Variants in ARHGAP42 observed in about 807,000 individuals in gnomAD.
ARHGAP42 encodes the protein Rho GTPase activating protein 42.
In ARHGAP42, 63 loss-of-function variants were observed where a neutral mutation model predicts 125.0. The observed-to-expected ratio is 0.50, with a 90% CI of 0.41 to 0.62. The LOEUF (loss-of-function observed/expected upper bound fraction) is 0.62, where lower values mean the gene tolerates loss of function less well. Ranked by LOEUF, ARHGAP42 falls within the 20% of genes least tolerant of loss-of-function variation. The pLI is 0.00. For missense variants in ARHGAP42, 766 were observed against 1,024.2 expected (o/e 0.75, Z 3.44); for synonymous variants, 339 against 351.0 (o/e 0.97, Z 0.38).
chr11:100,703,390 AT>A (rs897571584), intron 1 of ARHGAP42, among the ~76,000 whole-genome samples: 4 of 150,982 alleles, frequency 2.6e-5, no homozygotes, highest in Non-Finnish European at 4.4e-5. Flanking sequence ...AAGATGTAGC[AT>A]TTTTTTTTCA....
chr11:100,851,133 C>T (rs1292133864), intron 3 of ARHGAP42, among the ~76,000 whole-genome samples: 1 of 151,976 alleles, frequency 6.6e-6, no homozygotes, highest in Admixed American at 6.6e-5. Context: ...CCACCCACCT[C>T]GGCCTCCGAA....
Position 100,974,526 on chromosome 11 carries a change from G to A in ARHGAP42, c.1778G>A (p.Arg593Lys). ...CCTCAGTCTCGATCTGGATCCCGAA[G>A]GACACGAGCAATCTGCCTCTCTACA... ...PQPQSRSGSR[R>K]TRAICLSTGS... is the part of the protein sequence containing the mutation. Residue 593 changes from arginine (R) to lysine (K), a missense_variant, in exon 19 of 24, where the codon AGG becomes AAG. This residue lies in a region of ARHGAP42 where 308 missense variants were observed against 369.7 expected (regional missense o/e 0.83). Coordinates refer to ENST00000298815, the MANE Select transcript of ARHGAP42 (RefSeq NM_152432.4). 6.4e-7 allele frequency: 1 copy of A among 1,551,062 alleles called. No homozygotes were observed. Among genetic ancestry groups the A allele is most frequent in the Non-Finnish European group, 8.7e-7 (1 of 1,146,726 alleles).
intron 4 of ARHGAP42, among the ~76,000 whole-genome samples, chr11:100,903,692 A>C (rs1866626251): frequency 8.5e-6 from 1 of 117,146 alleles, no homozygotes; most frequent in African/African-American, 3.2e-5. Flanking sequence ...GAATGTATAT[A>C]TATACATGTC....
intron 8 of ARHGAP42, among the ~76,000 whole-genome samples, chr11:100,941,542 A>G (rs1273458687): frequency 6.6e-6 from 1 of 152,128 alleles, no homozygotes; most frequent in Non-Finnish European, 1.5e-5. Flanking sequence ...TTCAGATCCA[A>G]AGTAACTCAC....
chr11:100,962,548 G>T, intron 16 of ARHGAP42, 81 bp downstream of exon 16: 1 of 1,240,618 alleles, frequency 8.1e-7, no homozygotes. Flanking sequence ...ACTAGTATCA[G>T]CTAGTGAAGA....
At chr11:100,698,276 G>A (rs1861321630) in intron 1 of ARHGAP42, among the ~76,000 whole-genome samples, 1 of 152,088 alleles carries the variant, frequency 6.6e-6, no homozygotes, top group Non-Finnish European at 1.5e-5. Context: ...GTTGAAGACT[G>A]GTCTGGACAA....
intron 1 of ARHGAP42, among the ~76,000 whole-genome samples, chr11:100,767,092 T>G (rs1862846574): frequency 6.6e-6 from 1 of 152,186 alleles, no homozygotes. Context: ...CTGAGCACTT[T>G]CCAAGGTTAT....
intron 4 of ARHGAP42, among the ~76,000 whole-genome samples, chr11:100,903,709 A>AAAAAAAAAT (rs1332890022): frequency 6.3e-5 from 4 of 63,516 alleles, no homozygotes; most frequent in African/African-American, 2.7e-4. Context: ...TGTCCCTCAA[A>AAAAAAAAAT]ATATATATAT....
chr11:100,948,765 A>G (rs1300091141), intron 11 of ARHGAP42, among the ~76,000 whole-genome samples: 2 of 152,094 alleles, frequency 1.3e-5, no homozygotes, highest in African/African-American at 4.8e-5. Flanking sequence ...TTAAAACCCT[A>G]AAATTACTTC....
chr11:100,843,447 A>T lies in ARHGAP42; in HGVS notation c.313-16107A>T, dbSNP rs527132. 8.4e-3 allele frequency among the ~76,000 whole-genome samples: 1,273 copies of T among 152,180 alleles called. 17 individuals are homozygous for T. Among genetic ancestry groups the T allele is most frequent in the African/African-American group, 0.029 (1,196 of 41,542 alleles). On this transcript the variant is annotated intron_variant, in intron 3 of 23. Coordinates refer to ENST00000298815, the MANE Select transcript of ARHGAP42 (RefSeq NM_152432.4). The stretch of plus-strand genomic sequence containing the variant: ...TCTTCAGTATAGTACTGGAAGTCCT[A>T]GCCAGAGCAATCATTCAAGAGAAAG...
chr11:100,854,059 A>G (rs905957711), intron 3 of ARHGAP42, among the ~76,000 whole-genome samples: 2 of 152,146 alleles, frequency 1.3e-5, no homozygotes, highest in Admixed American at 6.6e-5. Context: ...AGATAAGGAC[A>G]TATTATCATC....
chr11:100,780,143 T>C (rs1451065327), intron 2 of ARHGAP42, among the ~76,000 whole-genome samples: 2 of 152,130 alleles, frequency 1.3e-5, no homozygotes, highest in Non-Finnish European at 2.9e-5. Context: ...GACTACCTGT[T>C]ATGTGACAAG....
chr11:100,981,889 T>A lies in ARHGAP42; in HGVS notation c.2456+2840T>A, dbSNP rs1858553815. 2.0e-5 allele frequency among the ~76,000 whole-genome samples: 3 copies of A among 152,288 alleles called. No homozygotes were observed. In the South Asian group the frequency reaches 6.2e-4, roughly 32 times the overall value. On this transcript the variant is annotated intron_variant, in intron 22 of 23. Coordinates refer to ENST00000298815, the MANE Select transcript of ARHGAP42 (RefSeq NM_152432.4). ...TTGGAAAGAATGGTGGTTTAGCTTC[T>A]GATCTTAGCTTGTGCATATGTAGGA...
chr11:100,892,180 A>G (rs1205081826), intron 4 of ARHGAP42, among the ~76,000 whole-genome samples: 2 of 152,208 alleles, frequency 1.3e-5, no homozygotes, highest in South Asian at 4.1e-4. Context: ...ATGTAATAGT[A>G]AAAACTGTAT....
intron 17 of ARHGAP42, among the ~76,000 whole-genome samples, chr11:100,967,177 G>C (rs1858117265): frequency 6.6e-6 from 1 of 152,142 alleles, no homozygotes. Context: ...AATTAGGACA[G>C]TCTACCTAGA....
At chr11:100,980,452 G>A (rs76570784) in intron 22 of ARHGAP42, among the ~76,000 whole-genome samples, 16,236 of 150,384 alleles carry the variant, frequency 0.11, 1,073 homozygotes, top group Non-Finnish European at 0.13. Flanking sequence ...GGTAATCCCC[G>A]TAGAGCTTTA....
intron 2 of ARHGAP42, among the ~76,000 whole-genome samples, chr11:100,773,838 G>C (rs625761): frequency 6.6e-6 from 1 of 152,032 alleles, no homozygotes; most frequent in African/African-American, 2.4e-5. Context: ...TTAATGCTAT[G>C]TGGGCTTTGT....
intron 1 of ARHGAP42, among the ~76,000 whole-genome samples, chr11:100,746,839 A>G (rs1565552827): frequency 1.3e-5 from 2 of 152,198 alleles, no homozygotes; most frequent in Non-Finnish European, 2.9e-5. Flanking sequence ...AAGGAAAGGA[A>G]AAGAGAGGTA....
chr11:100,859,514 A>G lies in ARHGAP42; in HGVS notation c.313-40A>G, dbSNP rs1458407607. 2.0e-6 allele frequency: 3 copies of G among 1,489,362 alleles called. No individual in the cohort carries two copies. In the Admixed American group the frequency reaches 6.9e-5, roughly 34 times the overall value. 92.3% of individuals were successfully genotyped at this position (1,489,362 alleles called of 1,614,324 possible). On this transcript the variant is annotated intron_variant, in intron 3 of 23. Transcript: ENST00000298815. ...CATTTTTTCAATGTTGTTGGCATGA[A>G]ATTATGCAAGATTTAATATATGTGC...
Sources: allele counts gnomAD v4.1 joint callset (sites outside exome capture counted in the v4.1 genomes callset), GRCh38; gene constraint gnomAD v4.1.1; regional missense constraint gnomAD v4.1.1; transcripts MANE v1.5; gene names NCBI Gene and HGNC (gene_info 2026-07-23, HGNC 2026-07-21).